The following SORCS2 variants were observed in gnomAD, a reference collection of about 807,000 sequenced individuals.
The protein encoded by SORCS2 is sortilin related VPS10 domain containing receptor 2, also known as VPS10 domain-containing receptor SorCS2.
A neutral mutation model predicts 141.6 loss-of-function variants in SORCS2; 100 were observed. That is an observed-to-expected ratio of 0.71 (90% CI 0.60 to 0.83). The LOEUF is 0.83. Among genes scored for constraint, SORCS2 ranks in the 40% least tolerant of loss-of-function variants. The probability of loss-of-function intolerance (pLI) is 0.00; values close to 1 mark genes in which losing one functional copy is unlikely to be tolerated. For missense variants in SORCS2, 1,646 were observed against 1,560.2 expected, an observed-to-expected ratio of 1.05 and a Z score of -0.93; for synonymous variants, 789 against 676.9, an observed-to-expected ratio of 1.17 and a Z score of -2.57.
chr4:7,523,728 C>A (rs1424584227), intron 2 of SORCS2, among the ~76,000 whole-genome samples: 1 of 152,208 alleles, frequency 6.6e-6, no homozygotes, highest in Non-Finnish European at 1.5e-5. Flanking sequence ...ATTGGACTAT[C>A]GACCCCTAGC....
At chr4:7,317,727 G>T (rs1338242967) in intron 1 of SORCS2, among the ~76,000 whole-genome samples, 1 of 152,222 alleles carries the variant, frequency 6.6e-6, no homozygotes, top group Non-Finnish European at 1.5e-5. Context: ...GTGAGGCAGT[G>T]ACATGTGAAT....
At chr4:7,369,162 T>C (rs1722093199) in intron 1 of SORCS2, among the ~76,000 whole-genome samples, 1 of 151,932 alleles carries the variant, frequency 6.6e-6, no homozygotes, top group South Asian at 2.1e-4. Context: ...ACAAAAAAAA[T>C]TAGCTGGAAG....
At chr4:7,582,322 ACT>A (rs1254681187) in intron 3 of SORCS2, among the ~76,000 whole-genome samples, 28 of 152,366 alleles carry the variant, frequency 1.8e-4, no homozygotes, top group Non-Finnish European at 1.2e-4. Flanking sequence ...ACTGCACTGC[ACT>A]GTCTCCTGAA....
chr4:7,493,501 C>T (rs796609782), intron 2 of SORCS2, among the ~76,000 whole-genome samples: 7 of 152,288 alleles, frequency 4.6e-5, no homozygotes, highest in African/African-American at 1.7e-4. Context: ...ACATCTGAGT[C>T]GCAGTGTTGG....
At chr4:7,587,725 C>T (rs78236649) in intron 3 of SORCS2, among the ~76,000 whole-genome samples, 8,457 of 152,246 alleles carry the variant, frequency 0.056, 333 homozygotes, top group African/African-American at 0.09. Flanking sequence ...GCCCACCTCC[C>T]GTCACTTTAA....
chr4:7,434,885 C>T, intron 2 of SORCS2: 2 of 1,546,566 alleles, frequency 1.3e-6, no homozygotes, highest in Non-Finnish European at 1.7e-6. Flanking sequence ...AGCATGCTGC[C>T]CAGGGACTCT....
chr4:7,595,435 G>A (rs1030081673), intron 3 of SORCS2, among the ~76,000 whole-genome samples: 1 of 152,124 alleles, frequency 6.6e-6, no homozygotes, highest in Non-Finnish European at 1.5e-5. Context: ...CTCCCCAGAG[G>A]TCAGGGGTTA....
chr4:7,627,510 C>G (rs569707454), intron 3 of SORCS2, among the ~76,000 whole-genome samples: 1 of 152,194 alleles, frequency 6.6e-6, no homozygotes, highest in Non-Finnish European at 1.5e-5. Context: ...TTGAGAAAAT[C>G]TCTTTTAGGA....
chr4:7,397,428 G>T (rs979866580), intron 2 of SORCS2, among the ~76,000 whole-genome samples: 1 of 151,846 alleles, frequency 6.6e-6, no homozygotes, highest in East Asian at 1.9e-4. Context: ...GTCCTCAGCC[G>T]CTCCCAGCAA....
At position 7,548,852 on chromosome 4, in the gene SORCS2, A is replaced by G. The variant is rs60386180; in HGVS notation, c.648+17223A>G. 9.0e-3 allele frequency among the ~76,000 whole-genome samples: 1,367 copies of G among 152,348 alleles called. 23 individuals carry two copies. Among genetic ancestry groups the G allele is most frequent in the African/African-American group, 0.031 (1,308 of 41,582 alleles). On this transcript the variant is annotated intron_variant, in intron 3 of 26. Coordinates refer to ENST00000507866, the MANE Select transcript of SORCS2 (RefSeq NM_020777.3). ...TCTAACATGAGACACTGAGGAAGGC[A>G]ATAGCCTAAAATCCTACTCTGCCGG...
At chr4:7,628,985 G>A (rs1719699376) in intron 3 of SORCS2, among the ~76,000 whole-genome samples, 1 of 152,188 alleles carries the variant, frequency 6.6e-6, no homozygotes, top group Non-Finnish European at 1.5e-5. Context: ...CTTAGATGGT[G>A]TGCTGAGGAA....
chr4:7,237,749 T>G (rs1385229887), intron 1 of SORCS2, among the ~76,000 whole-genome samples: 2 of 151,992 alleles, frequency 1.3e-5, no homozygotes, highest in African/African-American at 4.8e-5. Context: ...TGAGTTTACG[T>G]CAGATCCTGA....
intron 1 of SORCS2, among the ~76,000 whole-genome samples, chr4:7,370,065 C>T (rs552489753): frequency 6.6e-6 from 1 of 152,312 alleles, no homozygotes. Context: ...GGAATGGCCT[C>T]AGTGCCCCCC....
At chr4:7,734,968 A>T (rs1220550435) in intron 25 of SORCS2, among the ~76,000 whole-genome samples, 1 of 152,170 alleles carries the variant, frequency 6.6e-6, no homozygotes, top group Non-Finnish European at 1.5e-5. Context: ...AGGGGCTTTC[A>T]TACCTCTCTT....
chr4:7,283,015 CCATTCACTCATTTATTCATCCATT>C (rs1156234891), intron 1 of SORCS2, among the ~76,000 whole-genome samples: 1 of 151,946 alleles, frequency 6.6e-6, no homozygotes, highest in Admixed American at 6.5e-5. Flanking sequence ...ACTCATTCAC[CCATTCACTCATTTATTCATCCATT>C]CATTCACTCA....
intron 4 of SORCS2, among the ~76,000 whole-genome samples, chr4:7,652,919 G>A (rs151053688): frequency 1.2e-4 from 19 of 152,276 alleles, no homozygotes; most frequent in African/African-American, 3.9e-4. Context: ...TTTCTTCTGC[G>A]CTCTCTCTCT....
Position 7,652,256 on chromosome 4 carries a change from G to T in SORCS2, c.814-1878G>T, listed in dbSNP as rs749221022. On this transcript the variant is annotated intron_variant, in intron 4 of 26. Transcript: ENST00000507866. ...GAAGGAGGGGGAGGCCCTTTCCCAC[G>T]GGCCACTGTGGAAAGGGGAGCGGCT... 6.6e-5 allele frequency among the ~76,000 whole-genome samples: 10 copies of T among 152,256 alleles called. No individual in the cohort carries two copies. The East Asian group carries it at 1.5e-3, about 24-fold the overall frequency.
chr4:7,540,579 A>T (rs1452974008), intron 3 of SORCS2, among the ~76,000 whole-genome samples: 1 of 152,160 alleles, frequency 6.6e-6, no homozygotes, highest in Non-Finnish European at 1.5e-5. Context: ...GCATGGTCCC[A>T]TGGTGCCGAG....
intron 2 of SORCS2, among the ~76,000 whole-genome samples, chr4:7,462,573 A>C (rs903909680): frequency 6.6e-6 from 1 of 151,946 alleles, no homozygotes; most frequent in African/African-American, 2.4e-5. Flanking sequence ...GAGGCGACTC[A>C]CAGTCCAAGC....
Sources: gnomAD v4.1 joint callset for allele counts (sites outside exome capture counted in the v4.1 genomes callset) on GRCh38, gnomAD v4.1.1 for gene constraint, MANE v1.5 for transcripts, NCBI Gene and HGNC (gene_info 2026-07-23, HGNC 2026-07-21) for gene names.